Variants in DOCK3 observed in about 807,000 individuals in gnomAD.
The protein encoded by DOCK3 is dedicator of cytokinesis 3, also known as dedicator of cytokinesis protein 3.
Under a neutral mutation model 265.6 loss-of-function variants are expected in DOCK3, and 60 were observed. The ratio of observed to expected loss-of-function variants is 0.23; its 90% CI spans 0.18 to 0.28. The LOEUF is 0.28. Ranked by LOEUF, DOCK3 falls within the 10% of genes least tolerant of loss-of-function variation. The pLI, the probability that DOCK3 is intolerant of heterozygous loss-of-function variation, is 1.00. For missense variants in DOCK3, 1,981 were observed against 2,594.3 expected, an observed-to-expected ratio of 0.76 and a Z score of 5.14; for synonymous variants, 881 against 938.0, an observed-to-expected ratio of 0.94 and a Z score of 1.11.
intron 28 of DOCK3, among the ~76,000 whole-genome samples, chr3:51,311,641 A>G (rs748173043): frequency 1.3e-5 from 2 of 152,202 alleles, no homozygotes; most frequent in Non-Finnish European, 2.9e-5. Flanking sequence ...TCCCCAAAAT[A>G]CTAGAACTAC....
chr3:50,906,720 A>AT (rs1241847212), intron 4 of DOCK3, among the ~76,000 whole-genome samples: 1 of 151,462 alleles, frequency 6.6e-6, no homozygotes, highest in African/African-American at 2.4e-5. Flanking sequence ...GGCTTCATTG[A>AT]TTTTTTTGAA....
rs568802312 is a variant in DOCK3 at position 50,897,539 on chromosome 3, AGGGC to A, written c.218+7459_218+7462del. ...CTATGTTAAATAGGCATGGTGAGAG[AGGGC>A]ATCCTTGTCTTGTGCCAGTTTTCAA... is the stretch of plus-strand genomic sequence containing the variant. On this transcript the variant is annotated intron_variant, in intron 4 of 52. Transcript: ENST00000266037. Among the ~76,000 whole-genome samples, 486 of 152,304 alleles carry A rather than the reference AGGGC, an allele frequency of 3.2e-3. 6 individuals carry two copies. Among genetic ancestry groups the A allele is most frequent in the African/African-American group, 0.011 (444 of 41,544 alleles).
intron 5 of DOCK3, among the ~76,000 whole-genome samples, chr3:51,016,510 A>G (rs1166651425): frequency 1.0e-5 from 1 of 95,414 alleles, no homozygotes; most frequent in Non-Finnish European, 1.8e-5. Flanking sequence ...CATAATATAT[A>G]TATCATATAT....
chr3:51,182,558 G>A (rs1354775732), intron 12 of DOCK3, among the ~76,000 whole-genome samples: 1 of 152,128 alleles, frequency 6.6e-6, no homozygotes, highest in Non-Finnish European at 1.5e-5. Context: ...TGCTTTTCTT[G>A]CTAATAGAGA....
intron 32 of DOCK3, among the ~76,000 whole-genome samples, chr3:51,325,927 G>T (rs143154167): frequency 2.0e-5 from 3 of 152,116 alleles, no homozygotes; most frequent in Non-Finnish European, 2.9e-5. Context: ...TGGGGGGCTA[G>T]GGGAGGGATA....
chr3:51,114,900 G>A (rs1465377231), intron 9 of DOCK3, among the ~76,000 whole-genome samples: 12 of 151,708 alleles, frequency 7.9e-5, no homozygotes, highest in East Asian at 2.0e-4. Context: ...GAGAACGTGC[G>A]GTGTTTGGTT....
intron 3 of DOCK3, among the ~76,000 whole-genome samples, chr3:50,878,924 G>T (rs1420577553): frequency 6.6e-6 from 1 of 152,164 alleles, no homozygotes; most frequent in African/African-American, 2.4e-5. Context: ...ACTAACAGCA[G>T]ATCTCTCGGC....
Position 50,699,127 on chromosome 3 carries a change from G to A in DOCK3, c.37+23827G>A, listed in dbSNP as rs758397397. Among the ~76,000 whole-genome samples the A allele has an allele frequency of 2.6e-5, 4 of 152,136 alleles. 1 individual carries two copies. Among genetic ancestry groups the A allele is most frequent in the Non-Finnish European group, 5.9e-5 (4 of 68,014 alleles). On this transcript the variant is annotated intron_variant, in intron 1 of 52. Transcript: ENST00000266037. The stretch of plus-strand genomic sequence containing the variant: ...GAGAAGGGTCCAACTTCATTCTTTT[G>A]TATGTGGATATTGTTTTTTCAGCAC...
chr3:51,272,636 C>T lies in DOCK3; in HGVS notation c.2548+1629C>T, dbSNP rs2080571295. ...ACAAAAATTTCTCAGCCCACTGCTA[C>T]ACACATTTGTAATACTAAATAGATG... On this transcript the variant is annotated intron_variant, in intron 24 of 52. Transcript: ENST00000266037. Among the ~76,000 whole-genome samples the T allele has an allele frequency of 2.0e-5, 3 of 152,054 alleles. No individual in the cohort carries two copies. In the South Asian group the frequency reaches 6.3e-4, roughly 32 times the overall value.
chr3:51,236,595 C>T (rs2108474009), intron 20 of DOCK3, among the ~76,000 whole-genome samples, 167 bp downstream of exon 20: 1 of 152,288 alleles, frequency 6.6e-6, no homozygotes, highest in East Asian at 1.9e-4. Flanking sequence ...ACCAACCAGG[C>T]AGATCAAACT....
In DOCK3 at chr3:51,075,793, A is replaced by G. The variant is rs947260895; in HGVS notation, c.549+353A>G. Among the ~76,000 whole-genome samples the G allele has an allele frequency of 2.6e-5, 4 of 152,344 alleles. No individual in the cohort carries two copies. The South Asian group carries it at 8.3e-4, about 32-fold the overall frequency. The stretch of plus-strand genomic sequence containing the variant: ...TGGAAAGAGCCAATTATTAGGTAAT[A>G]TAGAAATTGAGCCTGGAAATAATGT... On this transcript the variant is annotated intron_variant, in intron 7 of 52. Transcript: ENST00000266037.
At chr3:51,328,578 G>A (rs1394750135) in intron 32 of DOCK3, among the ~76,000 whole-genome samples, 1 of 147,958 alleles carries the variant, frequency 6.8e-6, no homozygotes, top group African/African-American at 2.5e-5. Flanking sequence ...ACTCATCCCT[G>A]CCCTGGCCAT....
At chr3:51,280,018 C>A in intron 26 of DOCK3, 88 bp from the exon 27 acceptor site, 2 of 1,030,184 alleles carry the variant, frequency 1.9e-6, no homozygotes, top group South Asian at 1.5e-5. Context: ...CATCTCAGAC[C>A]CTCCCTTCTC....
rs2080459113 is a variant in DOCK3, at chr3:51,270,885, C to T, written c.2426C>T (p.Ala809Val). Residue 809 changes from alanine (A) to valine (V), a missense_variant, in exon 24 of 53, where the codon GCA becomes GTA. Physicochemically the swap from Ala to Val is moderately conservative, Grantham distance 64. Transcript: ENST00000266037. ...LLQMFTVQEV[A>V]EFVRGTLGSM... ...CAAATGTTCACCGTGCAAGAGGTGG[C>T]AGAGTTTGTGAGAGGGACACTGGGG... The T allele has an allele frequency of 1.2e-6, 2 of 1,613,892 alleles. No individual in the cohort carries two copies. Among genetic ancestry groups the T allele is most frequent in the Non-Finnish European group, 1.7e-6 (2 of 1,179,902 alleles).
chr3:51,362,793 T>C (rs1293463436), intron 49 of DOCK3, 119 bp downstream of exon 49: 2 of 1,403,904 alleles, frequency 1.4e-6, no homozygotes, highest in African/African-American at 1.4e-5. Flanking sequence ...AGAATACTCA[T>C]TTGTGCTTTT....
At chr3:51,130,789 C>T (rs1350029363) in intron 9 of DOCK3, among the ~76,000 whole-genome samples, 2 of 152,090 alleles carry the variant, frequency 1.3e-5, no homozygotes, top group Admixed American at 6.5e-5. Context: ...TTCACTGCAA[C>T]CTCTGTCTTC....
chr3:50,706,790 C>CT (rs112056809), intron 1 of DOCK3, among the ~76,000 whole-genome samples: 11,183 of 148,944 alleles, frequency 0.075, 1,053 homozygotes, highest in East Asian at 0.33. Flanking sequence ...CTTTTATATT[C>CT]TTTTTTTTTT....
At chr3:50,725,867 A>G (rs1391075926) in intron 1 of DOCK3, among the ~76,000 whole-genome samples, 1 of 152,146 alleles carries the variant, frequency 6.6e-6, no homozygotes, top group Non-Finnish European at 1.5e-5. Flanking sequence ...CATTTGTTGA[A>G]AATATTTGAA....
chr3:50,771,039 C>T (rs2041244111), intron 1 of DOCK3, among the ~76,000 whole-genome samples: 1 of 152,082 alleles, frequency 6.6e-6, no homozygotes, highest in African/African-American at 2.4e-5. Flanking sequence ...TTGGTCTGGG[C>T]AAAAATGTCT....
Sources: gnomAD v4.1 joint callset for allele counts (sites outside exome capture counted in the v4.1 genomes callset) on GRCh38, gnomAD v4.1.1 for gene constraint, MANE v1.5 for transcripts, NCBI Gene and HGNC (gene_info 2026-07-23, HGNC 2026-07-21) for gene names.